Variants in GATAD2A observed in about 807,000 individuals in gnomAD.
GATAD2A encodes the protein transcriptional repressor p66-alpha.
GATAD2A carries 12 observed loss-of-function variants against 68.5 expected under a neutral mutation model. The ratio of observed to expected loss-of-function variants is 0.18; its 90% confidence interval spans 0.11 to 0.28. The LOEUF is 0.28. Ranked by LOEUF, GATAD2A falls within the 10% of genes least tolerant of loss-of-function variation. The pLI, the probability that GATAD2A is intolerant of heterozygous loss-of-function variation, is 1.00. For missense variants in GATAD2A, 755 were observed against 868.5 expected (o/e 0.87, Z 1.64); for synonymous variants, 410 against 375.3 (o/e 1.09, Z -1.07).
chr19:19,471,293 A>AT (rs1308920177), intron 2 of GATAD2A, among the ~76,000 whole-genome samples: 3 of 150,928 alleles, frequency 2.0e-5, no homozygotes, highest in Non-Finnish European at 4.4e-5. Context: ...CCAGTGTCCC[A>AT]TGGATAAAAC....
intron 1 of GATAD2A, among the ~76,000 whole-genome samples, chr19:19,453,669 A>AT (rs201852233): frequency 0.14 from 19,631 of 143,286 alleles, 1,478 homozygotes; most frequent in Middle Eastern, 0.22. Flanking sequence ...CTATTTTTTA[A>AT]TTTTTTTAAA....
intron 2 of GATAD2A, among the ~76,000 whole-genome samples, chr19:19,470,671 C>T (rs1023978000): frequency 2.6e-5 from 4 of 152,106 alleles, no homozygotes; most frequent in African/African-American, 9.7e-5. Context: ...ATGCAGAATA[C>T]ATCCTCCCAA....
At chr19:19,481,929 C>A (rs560005209) in intron 2 of GATAD2A, among the ~76,000 whole-genome samples, 1 of 152,046 alleles carries the variant, frequency 6.6e-6, no homozygotes, top group Admixed American at 6.5e-5. Flanking sequence ...CATAGTAGTT[C>A]CCATATCTAC....
At chr19:19,444,598 C>T (rs892985329) in intron 1 of GATAD2A, among the ~76,000 whole-genome samples, 3 of 152,138 alleles carry the variant, frequency 2.0e-5, no homozygotes, top group South Asian at 2.1e-4. Context: ...GTAAAACCAC[C>T]GTGTATGATG....
At chr19:19,409,116 T>C (rs2050629657) in intron 1 of GATAD2A, among the ~76,000 whole-genome samples, 1 of 149,290 alleles carries the variant, frequency 6.7e-6, no homozygotes, top group Non-Finnish European at 1.5e-5. Context: ...AAAAATGTAA[T>C]GGCCCTTACC....
chr19:19,505,642 T>C lies in GATAD2A; in HGVS notation c.*168T>C, dbSNP rs1183761916. The C allele has an allele frequency of 1.4e-5, 8 of 589,388 alleles. No individual in the cohort carries two copies. The East Asian group carries it at 2.4e-4, about 17-fold the overall frequency. 36.5% of individuals were successfully genotyped at this position (589,388 alleles called of 1,614,324 possible). ...AAGACCTCAATTCTTGGCTGCAAAGTTTCATCAGGGCTAGGGGGCTGGTGC... is the reference window on the plus strand; with the variant it reads ...AAGACCTCAATTCTTGGCTGCAAAGCTTCATCAGGGCTAGGGGGCTGGTGC... On this transcript the variant is annotated 3_prime_UTR_variant, in exon 12 of 12. Coordinates refer to ENST00000683918, the MANE Select transcript of GATAD2A (RefSeq NM_001384528.1).
chr19:19,466,889 G>A (rs2057909121), intron 2 of GATAD2A, among the ~76,000 whole-genome samples: 1 of 152,180 alleles, frequency 6.6e-6, no homozygotes. Context: ...AGCTCAGCAG[G>A]GGTGAGCAGT....
At chr19:19,495,257 G>A (rs2060065056) in intron 5 of GATAD2A, among the ~76,000 whole-genome samples, 1 of 151,400 alleles carries the variant, frequency 6.6e-6, no homozygotes, top group Non-Finnish European at 1.5e-5. Flanking sequence ...GCCTCCCAAT[G>A]TGTTGGAATT....
chr19:19,500,384 C>T (rs1012209224), intron 8 of GATAD2A, among the ~76,000 whole-genome samples: 2 of 152,144 alleles, frequency 1.3e-5, no homozygotes, highest in Non-Finnish European at 2.9e-5. Context: ...TCTCCCCACC[C>T]CCCAGCCCCT....
chr19:19,485,562 T>C (rs1225875028), intron 2 of GATAD2A, among the ~76,000 whole-genome samples: 1 of 152,218 alleles, frequency 6.6e-6, no homozygotes, highest in Non-Finnish European at 1.5e-5. Context: ...ACCTCAGCTC[T>C]CCTAGAGCAA....
chr19:19,408,320 T>C (rs765937364), intron 1 of GATAD2A, among the ~76,000 whole-genome samples: 3 of 152,224 alleles, frequency 2.0e-5, no homozygotes, highest in African/African-American at 4.8e-5. Flanking sequence ...GACATCATTT[T>C]TTAAAATGTC....
chr19:19,505,578 G>A lies in GATAD2A; in HGVS notation c.*104G>A, dbSNP rs948013809. ...CTCCGCTGGCTCGGGAAGACACCGT[G>A]CCCGCCCCAAGAGCAAGCACCGGCC... On this transcript the variant is annotated 3_prime_UTR_variant, in exon 12 of 12. Coordinates refer to ENST00000683918, the MANE Select transcript of GATAD2A (RefSeq NM_001384528.1). 1 of 1,056,642 alleles carries A rather than the reference G, an allele frequency of 9.5e-7. No homozygotes were observed. The highest frequency in any genetic ancestry group is 1.3e-6 in the Non-Finnish European group (1 of 753,292). 65.5% of individuals were successfully genotyped at this position (1,056,642 alleles called of 1,614,324 possible).
At chr19:19,424,065 C>T (rs565705684) in intron 1 of GATAD2A, among the ~76,000 whole-genome samples, 3 of 151,906 alleles carry the variant, frequency 2.0e-5, no homozygotes, top group African/African-American at 7.3e-5. Context: ...CTTGGGACTA[C>T]AGGTATGCAC....
chr19:19,488,898 C>T (rs569290434), intron 2 of GATAD2A, among the ~76,000 whole-genome samples: 68 of 152,218 alleles, frequency 4.5e-4, no homozygotes, highest in Non-Finnish European at 9.1e-4. Context: ...GTGCCCGGGA[C>T]GGCTGCTGTG....
intron 1 of GATAD2A, among the ~76,000 whole-genome samples, chr19:19,463,000 T>G (rs1042866347): frequency 1.3e-5 from 2 of 152,100 alleles, no homozygotes; most frequent in Non-Finnish European, 2.9e-5. Context: ...GGGTGCTATG[T>G]CCTGGAGGTG....
intron 1 of GATAD2A, among the ~76,000 whole-genome samples, chr19:19,395,626 T>C (rs1412237854): frequency 1.3e-5 from 2 of 152,178 alleles, no homozygotes; most frequent in African/African-American, 4.8e-5. Context: ...GGTTTCTTGT[T>C]ATATTATCAC....
At chr19:19,484,518 CTTTTTTTTTTTTTCT>C (rs1359385449) in intron 2 of GATAD2A, among the ~76,000 whole-genome samples, 4 of 114,466 alleles carry the variant, frequency 3.5e-5, no homozygotes, top group South Asian at 2.7e-4. Flanking sequence ...TTTTCTTTTT[CTTTTTTTTTTTTTCT>C]TTTTTTTTTT....
chr19:19,428,491 A>G, intron 1 of GATAD2A, among the ~76,000 whole-genome samples: 1 of 152,194 alleles, frequency 6.6e-6, no homozygotes, highest in South Asian at 2.1e-4. Flanking sequence ...GGCCTGAGGT[A>G]GGTTCCACGC....
chr19:19,506,070 T>C lies in GATAD2A; in HGVS notation c.*596T>C. The stretch of plus-strand genomic sequence containing the variant: ...GTACGCTGCATCATCCCGCTGGCCC[T>C]GTGCCCTGGAGGGTGGGCGGCTCAT... On this transcript the variant is annotated 3_prime_UTR_variant, in exon 12 of 12. Transcript: ENST00000683918. The C allele has an allele frequency of 2.5e-6, 1 of 398,986 alleles. No individual in the cohort carries two copies. Among genetic ancestry groups the C allele is most frequent in the East Asian group, 3.6e-5 (1 of 28,056 alleles). 24.7% of individuals were successfully genotyped at this position (398,986 alleles called of 1,614,324 possible). A position where few individuals can be genotyped will look rare whatever the true frequency, so the allele number is the denominator to read the frequency against.
Sources: allele counts gnomAD v4.1 joint callset (sites outside exome capture counted in the v4.1 genomes callset), GRCh38; gene constraint gnomAD v4.1.1; transcripts MANE v1.5; gene names NCBI Gene and HGNC (gene_info 2026-07-23, HGNC 2026-07-21).